The following INVS variants were observed in gnomAD, a reference collection of about 807,000 sequenced individuals.
INVS encodes inversion of embryo turning homolog.
INVS carries 86 observed loss-of-function variants against 108.8 expected under a neutral mutation model. The ratio of observed to expected loss-of-function variants is 0.79; its 90% CI spans 0.66 to 0.95. The LOEUF (loss-of-function observed/expected upper bound fraction) is 0.95, where lower values mean the gene tolerates loss of function less well. Among genes scored for constraint, INVS ranks in the 40% least tolerant of loss-of-function variants. The probability of loss-of-function intolerance (pLI) is 0.00; values close to 1 mark genes in which losing one functional copy is unlikely to be tolerated. For missense variants in INVS, 1,169 were observed against 1,297.4 expected, an observed-to-expected ratio of 0.90 and a Z score of 1.52; for synonymous variants, 455 against 473.5, an observed-to-expected ratio of 0.96 and a Z score of 0.51.
intron 12 of INVS, among the ~76,000 whole-genome samples, chr9:100,283,925 C>T (rs1378855834): frequency 6.6e-6 from 1 of 152,082 alleles, no homozygotes; most frequent in East Asian, 1.9e-4. Flanking sequence ...CTTTGACTGT[C>T]ATTCTCGGTA....
intron 12 of INVS, 98 bp downstream of exon 12, chr9:100,273,174 T>C (rs1381536299): frequency 2.3e-6 from 2 of 870,862 alleles, no homozygotes; most frequent in Non-Finnish European, 1.9e-6. Context: ...GGGAAACAGA[T>C]GAGAATCTGA....
intron 12 of INVS, among the ~76,000 whole-genome samples, chr9:100,282,310 C>T (rs764278260): frequency 5.3e-5 from 8 of 152,066 alleles, no homozygotes; most frequent in Non-Finnish European, 1.0e-4. Context: ...CTGTAGACCA[C>T]AGTCATTAGC....
At chr9:100,240,832 A>G (rs147272253) in intron 6 of INVS, among the ~76,000 whole-genome samples, 4 of 152,058 alleles carry the variant, frequency 2.6e-5, no homozygotes, top group Non-Finnish European at 4.4e-5. Context: ...TTTCAGCTTA[A>G]CGTTTTGTTT....
chr9:100,294,147 G>A (rs1005893241), intron 14 of INVS, among the ~76,000 whole-genome samples: 5 of 152,168 alleles, frequency 3.3e-5, no homozygotes, highest in African/African-American at 9.7e-5. Flanking sequence ...CAGCCTGGGC[G>A]ACAGAGTGAG....
intron 12 of INVS, among the ~76,000 whole-genome samples, chr9:100,280,428 C>T (rs1027280666): frequency 1.3e-5 from 2 of 151,898 alleles, no homozygotes; most frequent in African/African-American, 4.8e-5. Context: ...AGAGACAGTA[C>T]AAACCAGACT....
chr9:100,117,859 G>A (rs1268277948), intron 2 of INVS, among the ~76,000 whole-genome samples: 1 of 151,816 alleles, frequency 6.6e-6, no homozygotes, highest in Non-Finnish European at 1.5e-5. Context: ...TTTAGCCCTC[G>A]TGAATGGAAT....
intron 6 of INVS, 147 bp downstream of exon 6, chr9:100,240,387 T>C (rs1306311337): frequency 1.8e-5 from 9 of 491,198 alleles, no homozygotes; most frequent in Non-Finnish European, 3.2e-5. Context: ...AACTAAATTA[T>C]AGTAATATAA....
At chr9:100,217,718 T>C (rs994076254) in intron 3 of INVS, among the ~76,000 whole-genome samples, 7 of 152,174 alleles carry the variant, frequency 4.6e-5, no homozygotes, top group African/African-American at 1.7e-4. Flanking sequence ...GATTGCTCAC[T>C]GCAAACCCCA....
intron 3 of INVS, among the ~76,000 whole-genome samples, chr9:100,224,882 G>A (rs1831262589): frequency 6.6e-6 from 1 of 151,854 alleles, no homozygotes; most frequent in African/African-American, 2.4e-5. Flanking sequence ...CCAAAGTGCT[G>A]GGATTACAGG....
intron 3 of INVS, among the ~76,000 whole-genome samples, chr9:100,203,529 G>A (rs1177309326): frequency 8.5e-6 from 1 of 117,702 alleles, no homozygotes; most frequent in African/African-American, 3.7e-5. Context: ...TTGAAACAGA[G>A]TCTCACTCTA....
chr9:100,295,555 C>CT (rs1833766515), intron 14 of INVS, among the ~76,000 whole-genome samples: 1 of 152,060 alleles, frequency 6.6e-6, no homozygotes. Context: ...GGGCTGGACA[C>CT]TAAGTGTTCA....
At chr9:100,193,415 C>G (rs1231285572) in intron 3 of INVS, among the ~76,000 whole-genome samples, 2 of 152,108 alleles carry the variant, frequency 1.3e-5, no homozygotes, top group Non-Finnish European at 2.9e-5. Flanking sequence ...TAAGCACATT[C>G]ACAGCATTGT....
intron 3 of INVS, among the ~76,000 whole-genome samples, chr9:100,173,954 G>A (rs1443497202): frequency 6.6e-6 from 1 of 152,312 alleles, no homozygotes; most frequent in East Asian, 1.9e-4. Flanking sequence ...TTTGGGTTCA[G>A]CCAAGGTATC....
At chr9:100,131,876 A>G (rs1265272370) in intron 3 of INVS, 2 of 968,276 alleles carry the variant, frequency 2.1e-6, no homozygotes, top group Non-Finnish European at 2.5e-6. Context: ...TCAGTTTTCA[A>G]GGTACGCTGT....
intron 3 of INVS, among the ~76,000 whole-genome samples, chr9:100,155,660 AATTTG>A (rs1212175733): frequency 4.6e-5 from 7 of 152,228 alleles, no homozygotes; most frequent in African/African-American, 1.7e-4. Flanking sequence ...AAACATAGTA[AATTTG>A]ACTCTGCAGT....
chr9:100,124,759 T>C (rs920056957), intron 2 of INVS, among the ~76,000 whole-genome samples: 1 of 152,210 alleles, frequency 6.6e-6, no homozygotes, highest in African/African-American at 2.4e-5. Flanking sequence ...CTGTTGATTA[T>C]CTTTTCTTGT....
At chr9:100,118,076 T>C (rs1043072105) in intron 2 of INVS, among the ~76,000 whole-genome samples, 8 of 151,660 alleles carry the variant, frequency 5.3e-5, no homozygotes, top group Non-Finnish European at 1.0e-4. Context: ...TTTCTTTTTT[T>C]TTTTTTTTAG....
chr9:100,285,803 A>G (rs764260357), intron 13 of INVS, among the ~76,000 whole-genome samples: 3 of 152,194 alleles, frequency 2.0e-5, no homozygotes, highest in Non-Finnish European at 4.4e-5. Flanking sequence ...TCTGCCTAGC[A>G]TATGCCAAAA....
Position 100,297,013 on chromosome 9 carries a change from C to T in INVS, c.2883C>T (p.Leu961=), listed in dbSNP as rs1833810752. 1.9e-6 allele frequency: 3 copies of T among 1,613,990 alleles called. No homozygotes were observed. Among genetic ancestry groups the T allele is most frequent in the African/African-American group, 2.7e-5 (2 of 75,012 alleles). ...DRWRQESTAL[L]LQVWRKELEL... is the part of the protein sequence containing the mutation. ...GGAGGCAAGAGTCTACAGCATTGCT[C>T]CTCCAGGTTTGGAGGAAGGAACTGG... The change falls in exon 15 of 17, where the codon CTC becomes CTT. Residue 961 remains leucine (L), a synonymous_variant. Coordinates refer to ENST00000262457, the MANE Select transcript of INVS (RefSeq NM_014425.5).
Sources: gnomAD v4.1 joint callset for allele counts (sites outside exome capture counted in the v4.1 genomes callset) on GRCh38, gnomAD v4.1.1 for gene constraint, MANE v1.5 for transcripts, NCBI Gene and HGNC (gene_info 2026-07-23, HGNC 2026-07-21) for gene names.